Variants in MPP7 observed in about 807,000 individuals in gnomAD.
MPP7 encodes MAGUK p55 scaffold protein 7, also known as MAGUK p55 subfamily member 7.
In MPP7, 60 loss-of-function variants were observed where a neutral mutation model predicts 76.5. That is an observed-to-expected ratio of 0.78 (90% confidence interval 0.64 to 0.97). The LOEUF (loss-of-function observed/expected upper bound fraction) is 0.97. Among genes scored for constraint, MPP7 ranks in the 50% least tolerant of loss-of-function variants. The pLI is 0.00. For synonymous variants in MPP7, 237 were observed against 244.5 expected, an observed-to-expected ratio of 0.97 and a Z score of 0.29; for missense variants, 641 against 694.0, an observed-to-expected ratio of 0.92 and a Z score of 0.86.
chr10:28,142,155 T>C (rs1272437923), intron 5 of MPP7, among the ~76,000 whole-genome samples: 1 of 152,088 alleles, frequency 6.6e-6, no homozygotes, highest in Non-Finnish European at 1.5e-5. Context: ...CCAGAAGTCA[T>C]AAAGAAAAAG....
chr10:28,321,663 C>T (rs1277443964), intron 2 of MPP7, among the ~76,000 whole-genome samples: 1 of 152,158 alleles, frequency 6.6e-6, no homozygotes, highest in Non-Finnish European at 1.5e-5. Flanking sequence ...CAGCTCACTG[C>T]AACCTCCACC....
At chr10:28,219,480 T>C (rs1291362492) in intron 2 of MPP7, among the ~76,000 whole-genome samples, 1 of 152,124 alleles carries the variant, frequency 6.6e-6, no homozygotes. Flanking sequence ...AAATTTAATA[T>C]CACCATTCTT....
At chr10:28,277,872 A>G (rs1232018087) in intron 1 of MPP7, among the ~76,000 whole-genome samples, 1 of 152,078 alleles carries the variant, frequency 6.6e-6, no homozygotes, top group East Asian at 1.9e-4. Context: ...CCACGGTTCC[A>G]AATCTTAGAT....
intron 13 of MPP7, among the ~76,000 whole-genome samples, chr10:28,063,616 GCTC>G (rs34563454): frequency 0.47 from 70,735 of 151,646 alleles, 19,992 homozygotes; most frequent in Non-Finnish European, 0.65. Flanking sequence ...TACCACCTGA[GCTC>G]CTCCTCCTGT....
intron 2 of MPP7, among the ~76,000 whole-genome samples, chr10:28,238,294 A>C (rs1046874777): frequency 3.0e-4 from 45 of 152,260 alleles, no homozygotes; most frequent in African/African-American, 1.0e-3. Context: ...CAAATACTTA[A>C]TTTTTTAAAT....
chr10:28,089,944 T>A (rs1469541651), intron 11 of MPP7, 103 bp from the exon 12 acceptor site: 10 of 677,044 alleles, frequency 1.5e-5, no homozygotes, highest in Non-Finnish European at 2.4e-5. Context: ...TTTACCATAA[T>A]ATTGGGTTTT....
intron 1 of MPP7, among the ~76,000 whole-genome samples, chr10:28,258,140 G>A (rs1839843827): frequency 6.6e-6 from 1 of 150,874 alleles, no homozygotes; most frequent in Admixed American, 6.6e-5. Flanking sequence ...TCCCATCCCA[G>A]ATTCTATAAG....
chr10:28,309,985 G>A (rs1448082225), intron 2 of MPP7, among the ~76,000 whole-genome samples: 1 of 149,164 alleles, frequency 6.7e-6, no homozygotes, highest in East Asian at 2.0e-4. Context: ...AGAACTGGGA[G>A]CCAATGCCAA....
chr10:28,079,071 G>A (rs1852635594), intron 12 of MPP7, among the ~76,000 whole-genome samples: 1 of 152,118 alleles, frequency 6.6e-6, no homozygotes, highest in South Asian at 2.1e-4. Flanking sequence ...CTTGAAATTG[G>A]TTGACATTAT....
intron 2 of MPP7, among the ~76,000 whole-genome samples, chr10:28,312,150 G>A (rs999775642): frequency 1.3e-5 from 2 of 152,126 alleles, no homozygotes; most frequent in Admixed American, 1.3e-4. Context: ...GGGTACCTGA[G>A]CTGATTGTCG....
chr10:28,224,373 C>T (rs1430240235), intron 2 of MPP7, among the ~76,000 whole-genome samples: 1 of 150,460 alleles, frequency 6.6e-6, no homozygotes, highest in African/African-American at 2.4e-5. Context: ...AAAAAAAAAA[C>T]CTAGAGAAAC....
intron 2 of MPP7, among the ~76,000 whole-genome samples, chr10:28,222,667 A>G (rs549556171): frequency 6.6e-5 from 10 of 152,098 alleles, no homozygotes; most frequent in African/African-American, 1.9e-4. Context: ...CCTGGCTAAC[A>G]TGGTGAAACC....
At chr10:28,216,766 A>C (rs1262726439) in intron 2 of MPP7, among the ~76,000 whole-genome samples, 1 of 152,182 alleles carries the variant, frequency 6.6e-6, no homozygotes, top group African/African-American at 2.4e-5. Flanking sequence ...AAATTATTCG[A>C]TCTGTCTGGA....
chr10:28,308,454 T>C (rs1176656457), intron 2 of MPP7, among the ~76,000 whole-genome samples: 1 of 152,230 alleles, frequency 6.6e-6, no homozygotes, highest in African/African-American at 2.4e-5. Flanking sequence ...GTAACAGAAT[T>C]GCTTTCTTCA....
chr10:28,244,428 T>TTACA (rs1337005008), intron 1 of MPP7, among the ~76,000 whole-genome samples: 6 of 152,096 alleles, frequency 3.9e-5, no homozygotes, highest in Non-Finnish European at 8.8e-5. Context: ...AAAAACAGAC[T>TTACA]TACAACTGGC....
rs1431995678 is a variant in MPP7 at position 28,120,767 on chromosome 10, T to C, written c.616-99A>G. 3 of 869,452 alleles carry C rather than the reference T, an allele frequency of 3.5e-6. No homozygotes were observed. The Admixed American group carries it at 6.8e-5, about 20-fold the overall frequency. The allele number at this position is 869,452 out of a possible 1,614,324, so 53.9% of individuals were successfully genotyped here. ...GAAATGCATCTGAAAATTTACAAGC[T>C]TGGGGCTTCTACTCTTAGATAGACT... On this transcript the variant is annotated intron_variant, in intron 8 of 16. Transcript: ENST00000683449.
intron 1 of MPP7, among the ~76,000 whole-genome samples, chr10:28,331,268 C>A (rs899412667): frequency 6.6e-6 from 1 of 152,116 alleles, no homozygotes; most frequent in Non-Finnish European, 1.5e-5. Context: ...CAATTAACTT[C>A]CTTCTTCTCT....
At chr10:28,116,906 A>G (rs1834678881) in intron 11 of MPP7, among the ~76,000 whole-genome samples, 1 of 152,142 alleles carries the variant, frequency 6.6e-6, no homozygotes, top group Non-Finnish European at 1.5e-5. Context: ...GGCTAGTTTC[A>G]AAGCCTAAAG....
chr10:28,281,968 T>C (rs1187987846), intron 1 of MPP7: 1 of 152,076 alleles, frequency 6.6e-6, no homozygotes, highest in Non-Finnish European at 1.5e-5. Context: ...TGCAGGACAC[T>C]GGAAGGCTAC....
Sources: allele counts gnomAD v4.1 joint callset (sites outside exome capture counted in the v4.1 genomes callset), GRCh38; gene constraint gnomAD v4.1.1; transcripts MANE v1.5; gene names NCBI Gene and HGNC (gene_info 2026-07-23, HGNC 2026-07-21).